Variants in GLI3 observed in about 807,000 individuals in gnomAD.
The protein encoded by GLI3 is transcription activator GLI3.
Under a neutral mutation model 100.8 loss-of-function variants are expected in GLI3, and 20 were observed. The observed-to-expected ratio is 0.20, with a 90% confidence interval of 0.14 to 0.29. GLI3 has a LOEUF of 0.29. GLI3 is among the 10% of genes least tolerant of loss of function. The pLI is 1.00. For synonymous variants in GLI3, 938 were observed against 860.5 expected, an observed-to-expected ratio of 1.09 and a Z score of -1.58; for missense variants, 2,040 against 2,128.5, an observed-to-expected ratio of 0.96 and a Z score of 0.82.
At chr7:42,122,323 G>C (rs543289489) in intron 3 of GLI3, among the ~76,000 whole-genome samples, 1 of 140,154 alleles carries the variant, frequency 7.1e-6, no homozygotes, top group East Asian at 2.1e-4. Context: ...GATTTTTTAT[G>C]ATTTTTATTA....
At position 42,025,303 on chromosome 7, in the gene GLI3, G is replaced by T; in HGVS notation, c.1317C>A (p.Pro439=). Residue 439 remains proline, a synonymous_variant, in exon 9 of 15, where the codon CCC becomes CCA. Coordinates refer to ENST00000395925, the MANE Select transcript of GLI3 (RefSeq NM_000168.6). ...CCCCTGGGCTGGGGAGGTCTTCATC[G>T]GGTTTGATCTTGGACCTCTTGTTGT... ...PMHNKRSKIK[P]DEDLPSPGAR... 6.2e-7 allele frequency: 1 copy of T among 1,614,026 alleles called. No homozygotes were observed. The highest frequency in any genetic ancestry group is 8.5e-7 in the Non-Finnish European group (1 of 1,179,934).
chr7:42,138,932 C>A (rs777538705), intron 3 of GLI3, among the ~76,000 whole-genome samples: 1 of 152,182 alleles, frequency 6.6e-6, no homozygotes, highest in Admixed American at 6.5e-5. Context: ...AAGTCTCCTC[C>A]GGGGTCCCAT....
chr7:42,077,989 G>A (rs1784915812), intron 3 of GLI3, among the ~76,000 whole-genome samples: 1 of 152,210 alleles, frequency 6.6e-6, no homozygotes, highest in African/African-American at 2.4e-5. Context: ...GAGGATTGGT[G>A]TGTACACCCA....
intron 3 of GLI3, among the ~76,000 whole-genome samples, chr7:42,117,303 A>T (rs1189591191): frequency 6.6e-6 from 1 of 152,180 alleles, no homozygotes; most frequent in South Asian, 2.1e-4. Flanking sequence ...TCTTTGAGCA[A>T]CGTTTTCATT....
intron 10 of GLI3, among the ~76,000 whole-genome samples, chr7:41,998,191 T>C (rs1229253525): frequency 6.6e-6 from 1 of 152,182 alleles, no homozygotes; most frequent in Non-Finnish European, 1.5e-5. Flanking sequence ...GCTGACTTCA[T>C]TTATTTTACA....
In GLI3 at chr7:42,123,916, A is replaced by T. The variant is rs191703970; in HGVS notation, c.367+24310T>A. Among the ~76,000 whole-genome samples the T allele has an allele frequency of 2.6e-5, 4 of 152,314 alleles. No homozygotes were observed. The East Asian group carries it at 7.7e-4, about 29-fold the overall frequency. On this transcript the variant is annotated intron_variant, in intron 3 of 14. Coordinates refer to ENST00000395925, the MANE Select transcript of GLI3 (RefSeq NM_000168.6). ...ATTCTGATTCAGGAGTCTGGCACGA[A>T]GCCAAGATGCTACATGGTCACACCA...
chr7:42,186,573 T>C (rs977344152), intron 2 of GLI3, among the ~76,000 whole-genome samples: 1 of 152,196 alleles, frequency 6.6e-6, no homozygotes, highest in Admixed American at 6.5e-5. Flanking sequence ...CTGCCCTGCC[T>C]GGGGACAACA....
At chr7:42,128,690 A>G (rs1786195141) in intron 3 of GLI3, among the ~76,000 whole-genome samples, 1 of 152,244 alleles carries the variant, frequency 6.6e-6, no homozygotes, top group Non-Finnish European at 1.5e-5. Flanking sequence ...AAAAACTGTC[A>G]GTCAGACAGC....
intron 1 of GLI3, among the ~76,000 whole-genome samples, chr7:42,235,118 A>G (rs1788765027): frequency 6.6e-6 from 1 of 152,198 alleles, no homozygotes. Context: ...CTATTTCACT[A>G]TTTTAAAACA....
At chr7:42,120,114 T>C (rs547207712) in intron 3 of GLI3, among the ~76,000 whole-genome samples, 15 of 152,032 alleles carry the variant, frequency 9.9e-5, no homozygotes, top group South Asian at 2.1e-4. Flanking sequence ...TTGTGTGGAG[T>C]GGTAGGAAAA....
chr7:41,967,478 G>A, intron 14 of GLI3, 118 bp downstream of exon 14: 2 of 757,510 alleles, frequency 2.6e-6, no homozygotes, highest in East Asian at 4.9e-5. Context: ...ATTAACGGAT[G>A]GTTACAGCGT....
upstream of GLI3, among the ~76,000 whole-genome samples, chr7:42,242,485 G>T (rs1240597238): frequency 1.3e-5 from 2 of 152,144 alleles, no homozygotes; most frequent in Non-Finnish European, 2.9e-5. Flanking sequence ...AAATAGCTCC[G>T]ACATTCCCCA....
intron 3 of GLI3, among the ~76,000 whole-genome samples, chr7:42,121,480 A>C (rs912000081): frequency 9.2e-5 from 14 of 152,238 alleles, no homozygotes; most frequent in African/African-American, 3.4e-4. Flanking sequence ...AACAGAAACG[A>C]AATACCAATG....
chr7:42,235,010 TCA>T (rs1788762095), intron 1 of GLI3, among the ~76,000 whole-genome samples: 2 of 152,194 alleles, frequency 1.3e-5, no homozygotes, highest in Admixed American at 1.3e-4. Context: ...TTCAGATACT[TCA>T]CAGAGTTTAC....
chr7:42,050,895 C>T (rs1180590621), intron 4 of GLI3, among the ~76,000 whole-genome samples: 1 of 152,176 alleles, frequency 6.6e-6, no homozygotes, highest in African/African-American at 2.4e-5. Flanking sequence ...CACAGGAAAA[C>T]CAATCAGCAT....
At chr7:42,218,611 C>T (rs2128700894) in intron 2 of GLI3, among the ~76,000 whole-genome samples, 1 of 151,630 alleles carries the variant, frequency 6.6e-6, no homozygotes, top group Admixed American at 6.6e-5. Context: ...TTCCCCTTAC[C>T]AACCTTGAAG....
At chr7:42,015,609 A>T (rs952233571) in intron 10 of GLI3, among the ~76,000 whole-genome samples, 2 of 151,978 alleles carry the variant, frequency 1.3e-5, no homozygotes, top group African/African-American at 4.8e-5. Context: ...AGGCCTGAAA[A>T]AAAAAATAGT....
chr7:42,204,914 G>A (rs982638248), intron 2 of GLI3, among the ~76,000 whole-genome samples: 1 of 152,046 alleles, frequency 6.6e-6, no homozygotes, highest in Non-Finnish European at 1.5e-5. Flanking sequence ...TATTGACATG[G>A]CTATGATAAA....
chr7:42,105,133 TC>T (rs1057043166), intron 3 of GLI3, among the ~76,000 whole-genome samples: 1 of 152,166 alleles, frequency 6.6e-6, no homozygotes, highest in Non-Finnish European at 1.5e-5. Flanking sequence ...CCTGGGTCCT[TC>T]ATGGCCAGTC....
Sources: gnomAD v4.1 joint callset for allele counts (sites outside exome capture counted in the v4.1 genomes callset) on GRCh38, gnomAD v4.1.1 for gene constraint, MANE v1.5 for transcripts, NCBI Gene and HGNC (gene_info 2026-07-23, HGNC 2026-07-21) for gene names.